Variants in VWF observed in about 807,000 individuals in gnomAD.
VWF encodes von Willebrand factor, also known as Factor VIII related antigen.
VWF carries 176 observed loss-of-function variants against 308.6 expected under a neutral mutation model. The observed-to-expected ratio is 0.57, with a 90% CI of 0.50 to 0.65. The LOEUF (loss-of-function observed/expected upper bound fraction) is 0.65. Ranked by LOEUF, VWF falls within the 30% of genes least tolerant of loss-of-function variation. The pLI is 0.00. For synonymous variants in VWF, 1,385 were observed against 1,443.4 expected (o/e 0.96, Z 0.92); for missense variants, 3,146 against 3,648.2 (o/e 0.86, Z 3.55).
chr12:6,034,374 T>A (rs1944309045), intron 20 of VWF, among the ~76,000 whole-genome samples: 1 of 152,200 alleles, frequency 6.6e-6, no homozygotes, highest in Non-Finnish European at 1.5e-5. Flanking sequence ...AAGGAACAGA[T>A]GACTTTTTCT....
At chr12:6,103,367 TG>T (rs1406549503) in intron 5 of VWF, among the ~76,000 whole-genome samples, 1 of 109,644 alleles carries the variant, frequency 9.1e-6, no homozygotes, top group South Asian at 2.5e-4. Context: ...TACATATATA[TG>T]TGTGTGTGTG....
Position 5,994,519 on chromosome 12 carries a change from C to G in VWF, c.6152G>C (p.Arg2051Thr). 1 of 1,614,056 alleles carries G rather than the reference C, an allele frequency of 6.2e-7. No individual in the cohort carries two copies. Among genetic ancestry groups the G allele is most frequent in the South Asian group, 1.1e-5 (1 of 91,074 alleles). The change falls in exon 36 of 52, where the codon AGA (arginine) becomes ACA (threonine). Residue 2051 changes from arginine (R) to threonine (T), a missense_variant. By Grantham distance (71) the Arg-to-Thr change is moderately conservative (BLOSUM62 -1). This residue lies in a region of VWF where 989 missense variants were observed against 1,117.4 expected (regional missense o/e 0.89). Coordinates refer to ENST00000261405, the MANE Select transcript of VWF (RefSeq NM_000552.5). ...NVYGAIMHEV[R>T]FNHLGHIFTF... ...GAAGATGTGACCAAGGTGATTGAAT[C>G]TGACCTCATGCATGATGGCACCATA...
intron 8 of VWF, 46 bp from the exon 9 acceptor site, chr12:6,072,488 G>T: frequency 6.8e-7 from 1 of 1,468,318 alleles, no homozygotes; most frequent in Non-Finnish European, 9.5e-7. Flanking sequence ...TTGTCATTGC[G>T]TCACTCATCC....
rs777565258 is a variant in VWF at position 6,071,356 on chromosome 12, A to C, written c.1110-13T>G. 4.3e-6 allele frequency: 7 copies of C among 1,614,162 alleles called. No individual in the cohort carries two copies. In the East Asian group the frequency reaches 1.6e-4, roughly 36 times the overall value. ...GTTTCGGCAAATGCTGTTGGAGGGAAAAAGCACAGGTCATTGGTGGTTCTG... is the reference window on the plus strand; with the variant it reads ...GTTTCGGCAAATGCTGTTGGAGGGACAAAGCACAGGTCATTGGTGGTTCTG... On this transcript the variant is annotated splice_polypyrimidine_tract_variant and intron_variant, in intron 9 of 51. Transcript: ENST00000261405.
chr12:6,008,185 A>G (rs1943950941), intron 34 of VWF, among the ~76,000 whole-genome samples: 1 of 150,630 alleles, frequency 6.6e-6, no homozygotes, highest in African/African-American at 2.4e-5. Context: ...TGAAGCCAGA[A>G]TTACCCTGAT....
At chr12:6,031,724 G>A (rs1477050913) in intron 20 of VWF, 146 bp from the exon 21 acceptor site, 2 of 1,304,782 alleles carry the variant, frequency 1.5e-6, no homozygotes, top group Non-Finnish European at 2.1e-6. Flanking sequence ...GCCTCTGTGT[G>A]TGTCTGGGGG....
intron 3 of VWF, among the ~76,000 whole-genome samples, chr12:6,116,211 C>A (rs1230571069): frequency 6.6e-6 from 1 of 152,150 alleles, no homozygotes; most frequent in African/African-American, 2.4e-5. Context: ...TGGCTGTCAC[C>A]CCAAAGAGGC....
At chr12:6,087,971 A>G (rs1052219069) in intron 6 of VWF, among the ~76,000 whole-genome samples, 2 of 152,042 alleles carry the variant, frequency 1.3e-5, no homozygotes, top group African/African-American at 4.8e-5. Context: ...GAGCGAGGAG[A>G]TGATGGTCAC....
intron 5 of VWF, among the ~76,000 whole-genome samples, chr12:6,103,406 G>A (rs868143583): frequency 0.065 from 7,504 of 115,488 alleles, 1,233 homozygotes; most frequent in African/African-American, 0.37. Flanking sequence ...ACACGTGTGT[G>A]TATACACACG....
At chr12:6,100,577 T>C (rs1184957283) in intron 5 of VWF, among the ~76,000 whole-genome samples, 1 of 151,846 alleles carries the variant, frequency 6.6e-6, no homozygotes. Context: ...AAAGGATGAG[T>C]TCATGTCCTT....
intron 5 of VWF, among the ~76,000 whole-genome samples, chr12:6,096,445 C>T (rs1945106976): frequency 6.6e-6 from 1 of 152,214 alleles, no homozygotes; most frequent in South Asian, 2.1e-4. Flanking sequence ...CTGGGCATCC[C>T]TCTACCAAAA....
chr12:6,092,598 C>CTAGTTAGT (rs796796373), intron 6 of VWF, among the ~76,000 whole-genome samples: 1,482 of 65,036 alleles, frequency 0.023, 79 homozygotes, highest in African/African-American at 0.08. Flanking sequence ...CCATGCCCAG[C>CTAGTTAGT]TAGTTAGTGA....
At chr12:6,022,173 AC>A in intron 26 of VWF, 138 bp from the exon 27 acceptor site, 1 of 1,201,546 alleles carries the variant, frequency 8.3e-7, no homozygotes. Context: ...CCCAGGGGTC[AC>A]CCCATCACTC....
intron 34 of VWF, among the ~76,000 whole-genome samples, chr12:6,009,404 C>T (rs144170724): frequency 2.7e-5 from 4 of 146,520 alleles, no homozygotes; most frequent in East Asian, 2.0e-4. Context: ...TCACCTCATA[C>T]GTGCTAGAAT....
chr12:6,062,984 G>C lies in VWF; in HGVS notation c.1503C>G (p.Asp501Glu). The C allele has an allele frequency of 1.2e-6, 2 of 1,613,350 alleles. No homozygotes were observed. The highest frequency in any genetic ancestry group is 1.6e-4 in the Middle Eastern group (1 of 6,062). Residue 501 changes from aspartate to glutamate, a missense_variant, in exon 13 of 52, where the codon GAC becomes GAG. Physicochemically the swap from Asp to Glu is conservative, Grantham distance 45 (BLOSUM62 2). This residue lies in a region of VWF where 1,304 missense variants were observed against 1,353.0 expected (regional missense o/e 0.96). Coordinates refer to ENST00000261405, the MANE Select transcript of VWF (RefSeq NM_000552.5). ...RLSYGEDLQM[D>E]WDGRGRLLVK... ...CCAGCAGCCTCCCGCGGCCATCCCA[G>C]TCCATCTGCAGGTCCTCCCCGTAGC...
At chr12:6,109,660 T>G (rs1199319961) in intron 5 of VWF, among the ~76,000 whole-genome samples, 1 of 151,638 alleles carries the variant, frequency 6.6e-6, no homozygotes, top group African/African-American at 2.4e-5. Context: ...AGTGTTTTCT[T>G]TTTTTTTTGA....
At chr12:6,111,088 C>G (rs1945303810) in intron 3 of VWF, 120 bp from the exon 4 acceptor site, 1 of 851,378 alleles carries the variant, frequency 1.2e-6, no homozygotes, top group Non-Finnish European at 1.9e-6. Context: ...AAAGTCTTTA[C>G]AAGCGAGCAA....
intron 21 of VWF, among the ~76,000 whole-genome samples, chr12:6,031,017 C>A (rs529270344): frequency 6.6e-6 from 1 of 152,002 alleles, no homozygotes; most frequent in African/African-American, 2.4e-5. Context: ...GGCAAAAGAG[C>A]GAGACTCCAT....
rs374693235 is a variant in VWF at position 6,108,334 on chromosome 12, T to TATATACACACACAC, written c.532+2039_532+2040insGTGTGTGTGTATAT. Among the ~76,000 whole-genome samples the TATATACACACACAC allele has an allele frequency of 1.8e-3, 221 of 124,184 alleles. 4 individuals are homozygous for TATATACACACACAC. Among genetic ancestry groups the TATATACACACACAC allele is most frequent in the Middle Eastern group, 8.8e-3 (2 of 226 alleles). The allele number at this position is 124,184 out of a possible 152,430, so 81.5% of individuals were successfully genotyped here. On this transcript the variant is annotated intron_variant, in intron 5 of 51. Transcript: ENST00000261405. ...AGAAAGAAAGAAAGAAAGAAATATA[T>TATATACACACACAC]ACACACACACACACACACACACACA...
Sources: gnomAD v4.1 joint callset for allele counts (sites outside exome capture counted in the v4.1 genomes callset) on GRCh38, gnomAD v4.1.1 for gene constraint, gnomAD v4.1.1 regional missense constraint, MANE v1.5 for transcripts, NCBI Gene and HGNC (gene_info 2026-07-23, HGNC 2026-07-21) for gene names.